The following INO80D variants were observed in gnomAD, a reference collection of about 807,000 sequenced individuals.
INO80D encodes the protein INO80 complex subunit D.
Under a neutral mutation model 87.6 loss-of-function variants are expected in INO80D, and 21 were observed. The ratio of observed to expected loss-of-function variants is 0.24; its 90% CI spans 0.17 to 0.35. INO80D has a LOEUF of 0.35. INO80D is among the 10% of genes least tolerant of loss of function. INO80D has a pLI of 1.00. For missense variants in INO80D, 982 were observed against 1,280.7 expected, an observed-to-expected ratio of 0.77 and a Z score of 3.56; for synonymous variants, 440 against 491.0, an observed-to-expected ratio of 0.90 and a Z score of 1.37.
At chr2:206,055,148 CTT>C (rs1233893729) in intron 4 of INO80D, among the ~76,000 whole-genome samples, 1 of 152,160 alleles carries the variant, frequency 6.6e-6, no homozygotes, top group Non-Finnish European at 1.5e-5. Flanking sequence ...CACGTTCTAT[CTT>C]TGCTCATATT....
chr2:206,080,218 A>G (rs1274318887), intron 1 of INO80D, among the ~76,000 whole-genome samples: 2 of 152,202 alleles, frequency 1.3e-5, no homozygotes, highest in African/African-American at 4.8e-5. Flanking sequence ...CCTACCAATC[A>G]AGTCAGGTAA....
intron 4 of INO80D, among the ~76,000 whole-genome samples, chr2:206,054,614 C>T (rs529892854): frequency 7.2e-5 from 11 of 151,736 alleles, no homozygotes; most frequent in African/African-American, 2.4e-4. Flanking sequence ...CCCAGGTTCA[C>T]GCAATTCTCC....
At position 206,056,574 on chromosome 2, in the gene INO80D, G is replaced by T. The variant is rs1244710511; in HGVS notation, c.588C>A (p.Pro196=). The part of the protein sequence containing the change: ...ILKVRQEHFS[P]PPAPSQQQPP... ...GCTGCTGCTGTGAAGGTGCAGGAGG[G>T]GGACTAAAGTGCTCTTGTCGAACTT... is the stretch of plus-strand genomic sequence containing the variant. Residue 196 remains proline, a synonymous_variant, in exon 4 of 11, where the codon CCC becomes CCA. Transcript: ENST00000403263. The T allele has an allele frequency of 4.3e-6, 7 of 1,612,174 alleles. No individual in the cohort carries two copies. The highest frequency in any genetic ancestry group is 8.5e-7 in the Non-Finnish European group (1 of 1,179,098).
intron 5 of INO80D, among the ~76,000 whole-genome samples, chr2:206,044,130 C>G (rs1689131569): frequency 6.6e-6 from 1 of 152,058 alleles, no homozygotes; most frequent in Non-Finnish European, 1.5e-5. Flanking sequence ...GAGTTCAAGA[C>G]TGCAGTGAGC....
intron 1 of INO80D, among the ~76,000 whole-genome samples, chr2:206,067,045 C>T (rs996883116): frequency 6.6e-5 from 10 of 151,786 alleles, no homozygotes; most frequent in African/African-American, 2.4e-4. Context: ...CTTAGGAATT[C>T]GAGACCAGCC....
Position 205,996,397 on chromosome 2 carries a change from G to C in INO80D, c.*7971C>G, listed in dbSNP as rs1256899467. ...GGTGAAGATGAAGAATAGTGGAACT[G>C]GCAAGTAAGAACTGTTCAGACAAGC... On this transcript the variant is annotated 3_prime_UTR_variant, in exon 11 of 11. Transcript: ENST00000403263. 6.6e-6 allele frequency: 1 copy of C among 151,232 alleles called. No homozygotes were observed. Among genetic ancestry groups the C allele is most frequent in the African/African-American group, 2.4e-5 (1 of 41,190 alleles). The allele number at this position is 151,232 out of a possible 1,614,324, so 9.4% of individuals were successfully genotyped here.
rs181397762 is a variant in INO80D, at chr2:206,058,311, C to T, written c.219-1368G>A. 6.4e-3 allele frequency among the ~76,000 whole-genome samples: 953 copies of T among 148,034 alleles called. 1 individual carries two copies. The highest frequency in any genetic ancestry group is 0.011 in the South Asian group (53 of 4,680). ...GCAGGAGCCTGTAGTCCCAGCTACTCGGGAGGCTGAGGCAGGAGAATGGCG... is the reference window on the plus strand; with the variant it reads ...GCAGGAGCCTGTAGTCCCAGCTACTTGGGAGGCTGAGGCAGGAGAATGGCG... On this transcript the variant is annotated intron_variant, in intron 3 of 10. Coordinates refer to ENST00000403263, the MANE Select transcript of INO80D (RefSeq NM_017759.5).
rs1401142138 is a variant in INO80D at position 206,085,992 on chromosome 2, C to G, written c.-215G>C. ...GAGGCGCTGGCAATGGACTAGGAAG[C>G]TCGGCTGCCGCTGCTACTGCTCCCC... On this transcript the variant is annotated 5_prime_UTR_variant, in exon 1 of 11. Transcript: ENST00000403263. This position sits in a 1 kb window ranked among gnomAD's most constrained non-coding sequence, Gnocchi z 4.5. 6.6e-6 allele frequency: 1 copy of G among 152,402 alleles called. No individual in the cohort carries two copies. The highest frequency in any genetic ancestry group is 1.9e-4 in the East Asian group (1 of 5,182). 9.4% of individuals were successfully genotyped at this position (152,402 alleles called of 1,614,324 possible).
intron 1 of INO80D, among the ~76,000 whole-genome samples, chr2:206,080,040 T>A (rs533857624): frequency 4.5e-4 from 68 of 152,302 alleles, no homozygotes; most frequent in African/African-American, 1.6e-3. Flanking sequence ...AGAATATTCC[T>A]CCAGGCTAAG....
intron 1 of INO80D, among the ~76,000 whole-genome samples, chr2:206,078,465 CTTAA>C (rs756403997): frequency 6.6e-6 from 1 of 151,976 alleles, no homozygotes; most frequent in Non-Finnish European, 1.5e-5. Flanking sequence ...CACAAAATAC[CTTAA>C]TTGTTTTCAT....
intron 6 of INO80D, among the ~76,000 whole-genome samples, chr2:206,020,748 C>T (rs1438617829): frequency 6.6e-6 from 1 of 151,974 alleles, no homozygotes; most frequent in Non-Finnish European, 1.5e-5. Flanking sequence ...CTTGCCCTTG[C>T]CCCCTAATTT....
At chr2:206,038,124 C>T (rs818016) in intron 5 of INO80D, among the ~76,000 whole-genome samples, 92,499 of 151,896 alleles carry the variant, frequency 0.61, 29,796 homozygotes, top group South Asian at 0.74. Flanking sequence ...AATTGGTTAA[C>T]AGGCACAATG....
chr2:206,020,932 T>C (rs1344245292), intron 6 of INO80D, among the ~76,000 whole-genome samples: 1 of 151,748 alleles, frequency 6.6e-6, no homozygotes, highest in Non-Finnish European at 1.5e-5. Context: ...AGAGGAGGGC[T>C]CCCAAAATCA....
At chr2:206,081,852 T>C (rs1435427900) in intron 1 of INO80D, among the ~76,000 whole-genome samples, 1 of 151,954 alleles carries the variant, frequency 6.6e-6, no homozygotes, top group Admixed American at 6.6e-5. Context: ...GCCAAACACA[T>C]GGCTATCTCA....
chr2:206,069,930 C>A (rs1689914748), intron 1 of INO80D, among the ~76,000 whole-genome samples: 1 of 152,028 alleles, frequency 6.6e-6, no homozygotes, highest in African/African-American at 2.4e-5. Context: ...CCTTTCTTTC[C>A]CCGAAAAGAG....
intron 1 of INO80D, among the ~76,000 whole-genome samples, chr2:206,080,292 T>C (rs1454294560): frequency 6.6e-6 from 1 of 152,086 alleles, no homozygotes. Flanking sequence ...TTCAAAACCA[T>C]GCAACACTAC....
chr2:206,070,224 T>C (rs1689925433), intron 1 of INO80D, among the ~76,000 whole-genome samples: 1 of 151,356 alleles, frequency 6.6e-6, no homozygotes, highest in Non-Finnish European at 1.5e-5. Flanking sequence ...GAGACCAGCC[T>C]GGCCAACATG....
intron 8 of INO80D, among the ~76,000 whole-genome samples, chr2:206,016,282 C>T (rs1029264451): frequency 6.6e-6 from 1 of 152,148 alleles, no homozygotes; most frequent in African/African-American, 2.4e-5. Context: ...TGGAGCTTTT[C>T]GATTTGATTG....
chr2:206,047,924 C>T (rs1689242347), intron 4 of INO80D, among the ~76,000 whole-genome samples: 1 of 149,792 alleles, frequency 6.7e-6, no homozygotes, highest in African/African-American at 2.4e-5. Context: ...GATCTCTGCT[C>T]ATTGCAAGCT....
Sources: gnomAD v4.1 joint callset for allele counts (sites outside exome capture counted in the v4.1 genomes callset) on GRCh38, gnomAD v4.1.1 for gene constraint, Gnocchi (gnomAD v3.1) non-coding constraint, MANE v1.5 for transcripts, NCBI Gene and HGNC (gene_info 2026-07-23, HGNC 2026-07-21) for gene names.